The following ZNF219 variants were observed in gnomAD, a reference collection of about 807,000 sequenced individuals.
ZNF219 encodes zinc finger protein 219.
Under a neutral mutation model 54.4 loss-of-function variants are expected in ZNF219, and 17 were observed. The observed-to-expected ratio is 0.31, with a 90% CI of 0.21 to 0.47. ZNF219 has a LOEUF of 0.47. ZNF219 is among the 20% of genes least tolerant of loss of function. ZNF219 has a pLI of 1.00. For missense variants in ZNF219, 1,014 were observed against 1,062.3 expected (o/e 0.95, Z 0.63); for synonymous variants, 518 against 476.4 (o/e 1.09, Z -1.14).
At chr14:21,093,362 G>A in intron 2 of ZNF219, 72 bp from the exon 3 acceptor site, 2 of 1,507,340 alleles carry the variant, frequency 1.3e-6, no homozygotes. Context: ...GTCGCCTCGA[G>A]GGCCAGAAGG....
At chr14:21,091,607 C>T in intron 3 of ZNF219, 65 bp from the exon 4 acceptor site, 2 of 1,545,306 alleles carry the variant, frequency 1.3e-6, no homozygotes, top group Non-Finnish European at 1.8e-6. Context: ...CGCGCACCCA[C>T]CCCACACCCA....
At chr14:21,097,639 C>A (rs1299880775) in intron 1 of ZNF219, among the ~76,000 whole-genome samples, 1 of 152,138 alleles carries the variant, frequency 6.6e-6, no homozygotes, top group East Asian at 1.9e-4. Context: ...CCAGACCCCT[C>A]CCCAGGAAGA....
Position 21,092,295 on chromosome 14 carries a change from C to T in ZNF219, c.1002G>A (p.Pro334=), listed in dbSNP as rs1270975473. ...CGCGGGCAGGCCCGGAGGCAGGCCC[C>T]GGGGCACGCAGTGGGCCCAGCTTGC... ...HASKLGPLRA[P]GPASGPARAP... Residue 334 remains proline (P), a synonymous_variant, in exon 3 of 5, where the codon CCG becomes CCA. Coordinates refer to ENST00000360947, the MANE Select transcript of ZNF219 (RefSeq NM_016423.3). The T allele has an allele frequency of 4.6e-6, 7 of 1,523,112 alleles. No individual in the cohort carries two copies. Among genetic ancestry groups the T allele is most frequent in the Non-Finnish European group, 6.2e-6 (7 of 1,137,832 alleles). 94.3% of individuals were successfully genotyped at this position (1,523,112 alleles called of 1,614,324 possible).
In ZNF219 at chr14:21,090,642, G is replaced by A. The variant is rs1335985701; in HGVS notation, c.2063C>T (p.Ala688Val). The A allele has an allele frequency of 6.2e-7, 1 of 1,612,572 alleles. No individual in the cohort carries two copies. The highest frequency in any genetic ancestry group is 8.5e-7 in the Non-Finnish European group (1 of 1,179,828). ...AGGGGTCTCTCCTGATGGTACTCGG[G>A]CATAGGGCGGGGACGCGTCAGCCTG... ...PPQADASPPY[A>V]RVPSGETPPS... The change falls in exon 5 of 5, where the codon GCC becomes GTC. Residue 688 changes from alanine to valine, a missense_variant. Coordinates refer to ENST00000360947, the MANE Select transcript of ZNF219 (RefSeq NM_016423.3). The surrounding 1 kb of genome is among the most constrained non-coding windows in gnomAD (Gnocchi z 4.4).
rs1374795695 is a variant in ZNF219, at chr14:21,092,260, G to T, written c.1037C>A (p.Pro346His). ...PASGPARAPQ[P>H]PDLGLLAYEP... The stretch of plus-strand genomic sequence containing the variant: ...ATAGGCCAGCAGGCCGAGGTCAGGA[G>T]GCTGGGGGGCGCGGGCAGGCCCGGA... Residue 346 changes from proline (P) to histidine (H), a missense_variant, in exon 3 of 5, where the codon CCT (proline) becomes CAT (histidine). By Grantham distance (77) the Pro-to-His change is moderately conservative (BLOSUM62 -2). This residue lies in a region of ZNF219 where 272 missense variants were observed against 248.9 expected (regional missense o/e 1.09). Coordinates refer to ENST00000360947, the MANE Select transcript of ZNF219 (RefSeq NM_016423.3). 3.4e-6 allele frequency: 5 copies of T among 1,476,832 alleles called. No individual in the cohort carries two copies. The highest frequency in any genetic ancestry group is 4.5e-6 in the Non-Finnish European group (5 of 1,117,042). The allele number at this position is 1,476,832 out of a possible 1,614,324, so 91.5% of individuals were successfully genotyped here.
At chr14:21,103,463 T>TC (rs1889779592), upstream of ZNF219, 1 of 788,010 alleles carries the variant, frequency 1.3e-6, no homozygotes. Context: ...CTTTCTCCCT[T>TC]GCATCCATAT....
chr14:21,090,895 C>A lies in ZNF219; in HGVS notation c.1810G>T (p.Gly604Trp), dbSNP rs895137126. Residue 604 changes from glycine to tryptophan, a missense_variant, in exon 5 of 5, where the codon GGG (glycine) becomes TGG (tryptophan). Gly to Trp is a radical substitution (Grantham distance 184, BLOSUM62 -2). Transcript: ENST00000360947. This position sits in a 1 kb window ranked among gnomAD's most constrained non-coding sequence, Gnocchi z 4.4. ...PRPPSSGAGP[G>W]SRRKPASPGR... ...GGGCTGGCGGGCTTCCGACGGGACC[C>A]CGGCCCAGCACCGCTAGAAGGAGGC... The A allele has an allele frequency of 1.5e-5, 24 of 1,550,146 alleles. No individual in the cohort carries two copies. The East Asian group carries it at 5.5e-4, about 36-fold the overall frequency.
chr14:21,103,196 A>C (rs1352806447), upstream of ZNF219: 12 of 1,551,716 alleles, frequency 7.7e-6, 1 homozygote, highest in Admixed American at 2.0e-5. Context: ...GGTGGCCAGC[A>C]CAGGAGCAAA....
At chr14:21,102,685 G>T (rs1402655447), upstream of ZNF219, 6 of 1,551,594 alleles carry the variant, frequency 3.9e-6, no homozygotes, top group Middle Eastern at 1.7e-4. Context: ...ACCCTAGGGG[G>T]AGTGCTGGTC....
chr14:21,102,959 G>A, upstream of ZNF219: 1 of 1,357,682 alleles, frequency 7.4e-7, no homozygotes. Flanking sequence ...TGGGTAAGAG[G>A]AAACTGGGAA....
chr14:21,094,439 T>C (rs1889164685), intron 1 of ZNF219: 1 of 455,506 alleles, frequency 2.2e-6, no homozygotes, highest in African/African-American at 2.0e-5. Flanking sequence ...TGCAGTATGA[T>C]GGGGCATCTG....
chr14:21,094,728 G>GA (rs1555341881), intron 1 of ZNF219, among the ~76,000 whole-genome samples: 1 of 91,886 alleles, frequency 1.1e-5, no homozygotes, highest in Non-Finnish European at 2.4e-5. Flanking sequence ...ATAGGGGTTG[G>GA]GGGGGGGGGC....
chr14:21,091,262 C>A (rs944477964), intron 4 of ZNF219, 122 bp from the exon 5 acceptor site: 1 of 1,508,706 alleles, frequency 6.6e-7, no homozygotes, highest in Non-Finnish European at 8.9e-7. Flanking sequence ...CTCCCACCCA[C>A]TTTGATTTAA....
rs1362524867 is a variant in ZNF219, at chr14:21,090,987, G to A, written c.1718C>T (p.Ala573Val). 10 of 1,549,294 alleles carry A rather than the reference G, an allele frequency of 6.5e-6. No individual in the cohort carries two copies. Among genetic ancestry groups the A allele is most frequent in the Non-Finnish European group, 8.7e-6 (10 of 1,154,228 alleles). The change falls in exon 5 of 5, where the codon GCC becomes GTC. Residue 573 changes from alanine to valine, a missense_variant. Transcript: ENST00000360947. This position sits in a 1 kb window ranked among gnomAD's most constrained non-coding sequence, Gnocchi z 4.4. ...EPPPPSQRGS[A>V]PQSGAKPSPQ... ...AGACGGCTTGGCTCCAGATTGCGGG[G>A]CCGAACCCCGCTGGGAAGGAGGCGG...
chr14:21,093,064 G>T lies in ZNF219; in HGVS notation c.233C>A (p.Ala78Glu). 2.5e-6 allele frequency: 4 copies of T among 1,600,286 alleles called. No individual in the cohort carries two copies. Among genetic ancestry groups the T allele is most frequent in the Non-Finnish European group, 2.6e-6 (3 of 1,175,226 alleles). Residue 78 changes from alanine (A) to glutamate (E), a missense_variant, in exon 3 of 5, where the codon GCG becomes GAG. Transcript: ENST00000360947. ...FNSILALHLR[A>E]HPGAQAFQCP... ...CTGGAAGGCCTGGGCTCCTGGGTGC[G>T]CCCGCAGGTGCAAAGCAAGGATAGA...
upstream of ZNF219, chr14:21,103,269 T>G (rs1422917885): frequency 6.5e-7 from 1 of 1,549,042 alleles, no homozygotes. Flanking sequence ...GAGAATGCTC[T>G]CCAGACATTC....
At chr14:21,101,647 T>A, upstream of ZNF219, 2 of 655,858 alleles carry the variant, frequency 3.0e-6, no homozygotes, top group Non-Finnish European at 5.2e-6. Context: ...AGCTTCCATC[T>A]TGTGGGGGAA....
rs1594591275 is a variant in ZNF219, at chr14:21,090,578, C to T, written c.2127G>A (p.Leu709=). 2 of 1,607,800 alleles carry T rather than the reference C, an allele frequency of 1.2e-6. No homozygotes were observed. The highest frequency in any genetic ancestry group is 2.2e-5 in the East Asian group (1 of 44,678). ...PSQEGEEGSG[L]SRPGEAGLGG... is the part of the protein sequence containing the mutation. ...CCAGCCCTGCCTCTCCGGGTCTGGA[C>T]AGCCCGGAGCCCTCCTCCCCTTCCT... Residue 709 remains leucine (L), a synonymous_variant, in exon 5 of 5, where the codon CTG becomes CTA. Coordinates refer to ENST00000360947, the MANE Select transcript of ZNF219 (RefSeq NM_016423.3). This position sits in a 1 kb window ranked among gnomAD's most constrained non-coding sequence, Gnocchi z 4.4.
upstream of ZNF219, chr14:21,101,620 C>G (rs1016751905): frequency 1.5e-6 from 1 of 684,558 alleles, no homozygotes; most frequent in African/African-American, 1.8e-5. Flanking sequence ...CAAGGCAAGA[C>G]CCTTAATCTC....
Sources: allele counts gnomAD v4.1 joint callset (sites outside exome capture counted in the v4.1 genomes callset), GRCh38; gene constraint gnomAD v4.1.1; regional missense constraint gnomAD v4.1.1; non-coding constraint Gnocchi (gnomAD v3.1); transcripts MANE v1.5; gene names NCBI Gene and HGNC (gene_info 2026-07-23, HGNC 2026-07-21).